Variants in AIM2 observed in about 807,000 individuals in gnomAD.
AIM2 encodes absent in melanoma 2.
A neutral mutation model predicts 27.7 loss-of-function variants in AIM2; 30 were observed. The ratio of observed to expected loss-of-function variants is 1.08; its 90% CI spans 0.81 to 1.47. AIM2 has a LOEUF of 1.47. Among genes scored for constraint, AIM2 ranks in the 40% most tolerant of loss-of-function variants. The probability of loss-of-function intolerance (pLI) is 0.00; values close to 1 mark genes in which losing one functional copy is unlikely to be tolerated. For missense variants in AIM2, 358 were observed against 411.3 expected, an observed-to-expected ratio of 0.87 and a Z score of 1.12; for synonymous variants, 141 against 145.3, an observed-to-expected ratio of 0.97 and a Z score of 0.21.
chr1:159,091,766 A>T (rs1657049495), intron 1 of AIM2, among the ~76,000 whole-genome samples: 1 of 152,236 alleles, frequency 6.6e-6, no homozygotes. Flanking sequence ...CTGACACACC[A>T]GCAATTGCCA....
the AIM2 span, among the ~76,000 whole-genome samples, chr1:159,055,718 T>C: frequency 6.6e-6 from 1 of 152,248 alleles, no homozygotes; most frequent in Non-Finnish European, 1.5e-5. Context: ...TTATTCAGAA[T>C]AGAATAGCAG....
chr1:159,120,293 T>C (rs1022753870), intron 1 of AIM2, among the ~76,000 whole-genome samples: 1 of 152,220 alleles, frequency 6.6e-6, no homozygotes, highest in East Asian at 1.9e-4. Context: ...AGGTCCTGTG[T>C]GCAAAAGACA....
chr1:159,066,296 A>G lies in AIM2; in HGVS notation c.430T>C (p.Ser144Pro), dbSNP rs1656090893. ...EQKQMVAQQE[S>P]IREGFQKRCL... ...CGCTTCTGAAACCCTTCTCTGATAG[A>G]TTCCTGCTGGGCCACCATCTGTTTC... The change falls in exon 4 of 6, where the codon TCT (serine) becomes CCT (proline). Residue 144 changes from serine to proline, a missense_variant. By Grantham distance (74) the Ser-to-Pro change is moderately conservative. Transcript: ENST00000368130. The G allele has an allele frequency of 5.0e-6, 8 of 1,613,624 alleles. No individual in the cohort carries two copies. Among genetic ancestry groups the G allele is most frequent in the Non-Finnish European group, 6.8e-6 (8 of 1,179,816 alleles).
At position 159,119,854 on chromosome 1, in the gene AIM2, CTCTT is replaced by C. The variant is rs563863216; in HGVS notation, c.-16+20573_-16+20576del. Among the ~76,000 whole-genome samples, 533 of 149,550 alleles carry C rather than the reference CTCTT, an allele frequency of 3.6e-3. 2 individuals are homozygous for C. Among genetic ancestry groups the C allele is most frequent in the Non-Finnish European group, 5.2e-3 (353 of 67,932 alleles). ...TCTGTCTCTGTTTCCCTATCCCTCT[CTCTT>C]TTTCTCCACATATGCACACTCACAC... On this transcript the variant is annotated intron_variant, in intron 1 of 2. Transcript: ENST00000368129.
intron 1 of AIM2, among the ~76,000 whole-genome samples, chr1:159,133,368 T>C (rs1647943979): frequency 6.6e-6 from 1 of 152,250 alleles, no homozygotes; most frequent in Admixed American, 6.5e-5. Flanking sequence ...TCTCTCATTT[T>C]ATTTATGTTG....
downstream of AIM2, among the ~76,000 whole-genome samples, chr1:159,062,186 ATAACACAAAATTGTGT>A (rs1462003289): frequency 6.6e-6 from 1 of 152,134 alleles, no homozygotes; most frequent in Non-Finnish European, 1.5e-5. Flanking sequence ...TCTTTCTCCA[ATAACACAAAATTGTGT>A]TATTATTTCT....
At chr1:159,124,930 C>G (rs1432970412) in intron 1 of AIM2, among the ~76,000 whole-genome samples, 2 of 152,202 alleles carry the variant, frequency 1.3e-5, no homozygotes, top group Non-Finnish European at 2.9e-5. Context: ...AAGCTAGAAA[C>G]TGATTTTATT....
intron 1 of AIM2, among the ~76,000 whole-genome samples, chr1:159,101,292 C>T (rs778331419): frequency 5.3e-5 from 8 of 152,302 alleles, no homozygotes; most frequent in Admixed American, 5.2e-4. Context: ...GGCACTCATT[C>T]TCTCTCCTGC....
chr1:159,141,377 G>A (rs1648106513), upstream of AIM2, among the ~76,000 whole-genome samples: 1 of 152,128 alleles, frequency 6.6e-6, no homozygotes, highest in African/African-American at 2.4e-5. Flanking sequence ...TGCTATGTCA[G>A]TCGGGCTGAA....
At position 159,065,831 on chromosome 1, in the gene AIM2, A is replaced by G. The variant is rs1656065053; in HGVS notation, c.816+79T>C. On this transcript the variant is annotated intron_variant, in intron 4 of 5. Transcript: ENST00000368130. ...GTCTATATAGAAAGACATTAAAACC[A>G]TTTCCAAAGTTTCTTTAAGATCAGA... The G allele has an allele frequency of 3.5e-6, 5 of 1,438,498 alleles. No homozygotes were observed. In the African/African-American group the frequency reaches 4.3e-5, roughly 12 times the overall value. The allele number at this position is 1,438,498 out of a possible 1,614,324, so 89.1% of individuals were successfully genotyped here.
At chr1:159,059,078 A>G (rs1474221883), downstream of AIM2, among the ~76,000 whole-genome samples, 1 of 152,186 alleles carries the variant, frequency 6.6e-6, no homozygotes, top group Non-Finnish European at 1.5e-5. Flanking sequence ...AAAGCTATCT[A>G]TGCCCAATAA....
intron 1 of AIM2, among the ~76,000 whole-genome samples, chr1:159,134,087 A>C (rs559070908): frequency 1.8e-4 from 27 of 152,308 alleles, no homozygotes; most frequent in Middle Eastern, 3.4e-3. Context: ...TGCAAACCAG[A>C]AATCTTAGAG....
chr1:159,057,564 A>C (rs1001554946), downstream of AIM2, among the ~76,000 whole-genome samples: 18 of 152,118 alleles, frequency 1.2e-4, no homozygotes, highest in Non-Finnish European at 2.2e-4. Context: ...ATTGCTCAGA[A>C]CTAGGATGCT....
intron 1 of AIM2, among the ~76,000 whole-genome samples, chr1:159,117,174 A>T (rs1340290200): frequency 6.6e-6 from 1 of 152,206 alleles, no homozygotes; most frequent in African/African-American, 2.4e-5. Flanking sequence ...GTGTAGTAGC[A>T]GAAAAAAGTT....
intron 4 of AIM2, among the ~76,000 whole-genome samples, chr1:159,064,519 C>T (rs1034712031): frequency 1.3e-5 from 2 of 152,202 alleles, no homozygotes; most frequent in African/African-American, 4.8e-5. Context: ...GGCTGGAGTG[C>T]GATGGCGCAA....
At chr1:159,091,813 A>G (rs764822218) in intron 1 of AIM2, among the ~76,000 whole-genome samples, 57 of 152,250 alleles carry the variant, frequency 3.7e-4, no homozygotes, top group Non-Finnish European at 1.0e-4. Flanking sequence ...TCTATTGAAA[A>G]GGGCCTGCTT....
intron 1 of AIM2, among the ~76,000 whole-genome samples, chr1:159,103,456 C>G (rs1048612538): frequency 1.3e-5 from 2 of 151,828 alleles, no homozygotes; most frequent in Non-Finnish European, 2.9e-5. Flanking sequence ...CTCAGAAAGA[C>G]AGTCAGTCAC....
chr1:159,090,137 C>T (rs1416182356), intron 1 of AIM2, among the ~76,000 whole-genome samples: 1 of 152,206 alleles, frequency 6.6e-6, no homozygotes, highest in Non-Finnish European at 1.5e-5. Flanking sequence ...GGCTGCAGCC[C>T]TCACTGCAAT....
upstream of AIM2, among the ~76,000 whole-genome samples, chr1:159,078,399 A>G (rs1342201792): frequency 6.6e-6 from 1 of 152,224 alleles, no homozygotes; most frequent in Non-Finnish European, 1.5e-5. Context: ...ACACAAGGCG[A>G]AAGAACACCA....
Sources: gnomAD v4.1 joint callset for allele counts (sites outside exome capture counted in the v4.1 genomes callset) on GRCh38, gnomAD v4.1.1 for gene constraint, MANE v1.5 for transcripts, NCBI Gene and HGNC (gene_info 2026-07-23, HGNC 2026-07-21) for gene names.